The following PIGU variants were observed in gnomAD, a reference collection of about 807,000 sequenced individuals.
PIGU encodes phosphatidylinositol glycan anchor biosynthesis class U.
In PIGU, 24 loss-of-function variants were observed where a neutral mutation model predicts 49.9. The ratio of observed to expected loss-of-function variants is 0.48; its 90% CI spans 0.35 to 0.68. PIGU has a LOEUF of 0.68. Ranked by LOEUF, PIGU falls within the 30% of genes least tolerant of loss-of-function variation. The pLI, the probability that PIGU is intolerant of heterozygous loss-of-function variation, is 0.01. For missense variants in PIGU, 490 were observed against 532.6 expected, an observed-to-expected ratio of 0.92 and a Z score of 0.79; for synonymous variants, 220 against 205.7, an observed-to-expected ratio of 1.07 and a Z score of -0.59.
rs770439056 is a variant in PIGU, at chr20:34,616,133, G to A, written c.536C>T (p.Ala179Val). The change falls in exon 7 of 12, where the codon GCT (alanine) becomes GTT (valine). Residue 179 changes from alanine (A) to valine (V), a missense_variant. Coordinates refer to ENST00000217446, the MANE Select transcript of PIGU (RefSeq NM_080476.5). The part of the protein sequence containing the change: ...FFILTTIKGS[A>V]FLSAIFLALA... The stretch of plus-strand genomic sequence containing the variant: ...GGCAAGAAAAATAGCACTGAGGAAA[G>A]CACTGCCTGTAAAAAGAAAGAAATG... 2 of 1,612,306 alleles carry A rather than the reference G, an allele frequency of 1.2e-6. No homozygotes were observed. The highest frequency in any genetic ancestry group is 2.2e-5 in the South Asian group (2 of 90,698).
At chr20:34,599,418 G>A (rs543927177) in intron 7 of PIGU, among the ~76,000 whole-genome samples, 12 of 151,940 alleles carry the variant, frequency 7.9e-5, no homozygotes, top group African/African-American at 2.2e-4. Context: ...GTGCCATTAC[G>A]CTCCAGCCTG....
intron 2 of PIGU, among the ~76,000 whole-genome samples, chr20:34,651,126 T>C (rs897950002): frequency 6.6e-6 from 1 of 152,212 alleles, no homozygotes; most frequent in South Asian, 2.1e-4. Context: ...AATTACAATA[T>C]AGTTGTTTCA....
chr20:34,676,024 T>TAAAA (rs10711315), intron 1 of PIGU, among the ~76,000 whole-genome samples: 1 of 132,610 alleles, frequency 7.5e-6, no homozygotes, highest in Non-Finnish European at 1.6e-5. Context: ...TGTACTTCAG[T>TAAAA]AAAAAAAAAA....
chr20:34,635,717 A>G (rs1034852836), intron 5 of PIGU, among the ~76,000 whole-genome samples: 1 of 151,936 alleles, frequency 6.6e-6, no homozygotes, highest in East Asian at 1.9e-4. Context: ...CTCTACTAAA[A>G]ATACAAAATT....
intron 3 of PIGU, 54 bp from the exon 4 acceptor site, chr20:34,644,280 C>T (rs773320149): frequency 3.5e-6 from 5 of 1,433,216 alleles, no homozygotes; most frequent in Non-Finnish European, 4.9e-6. Flanking sequence ...TGTAAGAGTA[C>T]TAGAGTGCTA....
chr20:34,600,982 C>T (rs1018716746), intron 7 of PIGU, among the ~76,000 whole-genome samples: 8 of 151,248 alleles, frequency 5.3e-5, no homozygotes, highest in Admixed American at 4.6e-4. Context: ...TGCAGTGAGC[C>T]GAGATGGTGC....
intron 4 of PIGU, among the ~76,000 whole-genome samples, chr20:34,640,704 A>G (rs964496220): frequency 2.6e-5 from 4 of 152,176 alleles, no homozygotes; most frequent in South Asian, 2.1e-4. Flanking sequence ...TACCTTTGTG[A>G]TCACTAATCA....
intron 3 of PIGU, 49 bp from the exon 4 acceptor site, chr20:34,644,275 G>T (rs1430772147): frequency 6.9e-7 from 1 of 1,453,328 alleles, no homozygotes; most frequent in Admixed American, 1.7e-5. Flanking sequence ...GTAAGTGTAA[G>T]AGTACTAGAG....
intron 7 of PIGU, among the ~76,000 whole-genome samples, chr20:34,593,923 T>C (rs1180795273): frequency 1.3e-5 from 2 of 151,542 alleles, no homozygotes; most frequent in Non-Finnish European, 2.9e-5. Flanking sequence ...ATGCCTGTTA[T>C]CCCAGCACTT....
chr20:34,589,681 G>C (rs1192259671), intron 7 of PIGU, among the ~76,000 whole-genome samples: 10 of 90,936 alleles, frequency 1.1e-4, no homozygotes, highest in African/African-American at 4.3e-4. Flanking sequence ...TTTTGAAACA[G>C]AGTTTCGCTC....
intron 6 of PIGU, among the ~76,000 whole-genome samples, chr20:34,631,051 A>G (rs187995853): frequency 1.3e-5 from 2 of 152,326 alleles, no homozygotes; most frequent in South Asian, 2.1e-4. Flanking sequence ...CCAGGAAGAC[A>G]AAGAGACTAT....
At chr20:34,561,460 A>T (rs527574091) in intron 11 of PIGU, among the ~76,000 whole-genome samples, 1 of 151,732 alleles carries the variant, frequency 6.6e-6, no homozygotes, top group East Asian at 1.9e-4. Flanking sequence ...TTCCCCCTAA[A>T]CTCAAATCCA....
At chr20:34,648,251 CA>C (rs34170509) in intron 2 of PIGU, among the ~76,000 whole-genome samples, 39,399 of 88,956 alleles carry the variant, frequency 0.44, 5,439 homozygotes, top group Admixed American at 0.56. Flanking sequence ...GACCCTGTCT[CA>C]AAAAAAAAAA....
chr20:34,575,199 G>A lies in PIGU; in HGVS notation c.1099C>T (p.Leu367=). The change falls in exon 11 of 12, where the codon CTG becomes TTG. Residue 367 remains leucine (L), a synonymous_variant. Coordinates refer to ENST00000217446, the MANE Select transcript of PIGU (RefSeq NM_080476.5). ...AGGTGCCACAGGACAGGGAAGAGCAGGGAACAGACGATGATGATGCAGGTG... is the reference window on the plus strand; with the variant it reads ...AGGTGCCACAGGACAGGGAAGAGCAAGGAACAGACGATGATGATGCAGGTG... ...VLTCIIIVCS[L]LFPVLWHLWI... is the part of the protein sequence containing the mutation. 1 of 1,614,116 alleles carries A rather than the reference G, an allele frequency of 6.2e-7. No individual in the cohort carries two copies.
At position 34,585,569 on chromosome 20, in the gene PIGU, G is replaced by A; in HGVS notation, c.794C>T (p.Pro265Leu). The A allele has an allele frequency of 6.2e-7, 1 of 1,612,936 alleles. No individual in the cohort carries two copies. The highest frequency in any genetic ancestry group is 8.5e-7 in the Non-Finnish European group (1 of 1,179,412). Reference protein sequence around the residue: ...PAVYGFILSVPDLTPNIGLFW... With the variant: ...PAVYGFILSVLDLTPNIGLFW... ...AAGACCAATGTTTGGAGTGAGATCT[G>A]GAACAGAAAGTCTGGAATTAAGAAA... The change falls in exon 9 of 12, where the codon CCA becomes CTA. Residue 265 changes from proline to leucine, a missense_variant. Physicochemically the swap from Pro to Leu is moderately conservative, Grantham distance 98. Coordinates refer to ENST00000217446, the MANE Select transcript of PIGU (RefSeq NM_080476.5).
At chr20:34,592,653 A>G (rs1420906456) in intron 7 of PIGU, among the ~76,000 whole-genome samples, 1 of 152,170 alleles carries the variant, frequency 6.6e-6, no homozygotes, top group East Asian at 1.9e-4. Flanking sequence ...AGGACATGAC[A>G]ATGAAATGTA....
intron 9 of PIGU, 109 bp downstream of exon 9, chr20:34,585,327 TA>T: frequency 7.5e-7 from 1 of 1,340,506 alleles, no homozygotes; most frequent in Non-Finnish European, 1.0e-6. Context: ...TGAGATGCTC[TA>T]AACCTGACAG....
intron 6 of PIGU, among the ~76,000 whole-genome samples, chr20:34,625,163 G>C (rs1442668911): frequency 6.6e-6 from 1 of 151,674 alleles, no homozygotes; most frequent in Admixed American, 6.6e-5. Context: ...CCTGAGGTCA[G>C]GAGTACAAGA....
chr20:34,570,543 T>C (rs1353432774), intron 11 of PIGU, among the ~76,000 whole-genome samples: 2 of 152,134 alleles, frequency 1.3e-5, no homozygotes, highest in Non-Finnish European at 2.9e-5. Flanking sequence ...GCCTCCCGAA[T>C]AGCTGGGACT....
Sources: gnomAD v4.1 joint callset for allele counts (sites outside exome capture counted in the v4.1 genomes callset) on GRCh38, gnomAD v4.1.1 for gene constraint, MANE v1.5 for transcripts, NCBI Gene and HGNC (gene_info 2026-07-23, HGNC 2026-07-21) for gene names.